The following RFTN2 variants were observed in gnomAD, a reference collection of about 807,000 sequenced individuals.
RFTN2 encodes the protein raftlin family member 2.
Under a neutral mutation model 52.7 loss-of-function variants are expected in RFTN2, and 34 were observed. The ratio of observed to expected loss-of-function variants is 0.64; its 90% CI spans 0.49 to 0.86. The LOEUF is 0.86. Ranked by LOEUF, RFTN2 falls within the 40% of genes least tolerant of loss-of-function variation. The pLI is 0.00. For synonymous variants in RFTN2, 203 were observed against 217.7 expected, an observed-to-expected ratio of 0.93 and a Z score of 0.59; for missense variants, 536 against 600.1, an observed-to-expected ratio of 0.89 and a Z score of 1.12.
chr2:197,649,320 G>C (rs1454192758), intron 1 of RFTN2, among the ~76,000 whole-genome samples: 2 of 152,090 alleles, frequency 1.3e-5, no homozygotes, highest in Admixed American at 1.3e-4. Context: ...CTAGCATAAG[G>C]CTTCACCACA....
rs948995809 is a variant in RFTN2, at chr2:197,571,972, T to C, written c.*36A>G. On this transcript the variant is annotated 3_prime_UTR_variant, in exon 9 of 9. Transcript: ENST00000295049. Reference sequence around the variant, plus strand: ...GGTCAGTTGGCAATGATTTTAACAATTATTTACAGGGCCTTCCTTTGCTTC... The same window carrying C: ...GGTCAGTTGGCAATGATTTTAACAACTATTTACAGGGCCTTCCTTTGCTTC... The C allele has an allele frequency of 6.3e-7, 1 of 1,595,458 alleles. No homozygotes were observed. The highest frequency in any genetic ancestry group is 2.2e-5 in the East Asian group (1 of 44,546).
chr2:197,619,580 C>T (rs1326083502), intron 5 of RFTN2, among the ~76,000 whole-genome samples: 4 of 147,876 alleles, frequency 2.7e-5, no homozygotes, highest in Non-Finnish European at 4.5e-5. Flanking sequence ...TCCCTAATCT[C>T]AAGTACCCAG....
chr2:197,580,466 C>A (rs977488738), intron 8 of RFTN2, among the ~76,000 whole-genome samples: 1 of 152,220 alleles, frequency 6.6e-6, no homozygotes, highest in African/African-American at 2.4e-5. Flanking sequence ...CCCATCTGTG[C>A]AGGACCCCAC....
intron 7 of RFTN2, among the ~76,000 whole-genome samples, chr2:197,614,502 G>A (rs905811814): frequency 1.3e-5 from 2 of 152,194 alleles, no homozygotes; most frequent in African/African-American, 4.8e-5. Context: ...CCTAGGTACT[G>A]AGAGGACACT....
chr2:197,658,297 C>A (rs2088922298), intron 1 of RFTN2, among the ~76,000 whole-genome samples: 1 of 151,764 alleles, frequency 6.6e-6, no homozygotes, highest in South Asian at 2.1e-4. Flanking sequence ...CCTAAGCATG[C>A]ACATAGTCTG....
At chr2:197,636,943 G>T (rs1377026577) in intron 3 of RFTN2, among the ~76,000 whole-genome samples, 1 of 152,140 alleles carries the variant, frequency 6.6e-6, no homozygotes, top group Non-Finnish European at 1.5e-5. Context: ...AGAGTTTTTA[G>T]CATGAAGTGT....
At chr2:197,651,047 T>C (rs897637416) in intron 1 of RFTN2, among the ~76,000 whole-genome samples, 1 of 152,246 alleles carries the variant, frequency 6.6e-6, no homozygotes, top group African/African-American at 2.4e-5. Context: ...ATTGAGAATC[T>C]TTTCACATCT....
At chr2:197,657,206 T>C (rs2106262836) in intron 1 of RFTN2, among the ~76,000 whole-genome samples, 1 of 152,236 alleles carries the variant, frequency 6.6e-6, no homozygotes, top group South Asian at 2.1e-4. Flanking sequence ...ATCCAATTCT[T>C]ATATAATATT....
intron 7 of RFTN2, among the ~76,000 whole-genome samples, chr2:197,608,727 CA>C (rs1278626867): frequency 6.6e-6 from 1 of 150,816 alleles, no homozygotes; most frequent in African/African-American, 2.4e-5. Context: ...TGGTTTGCTG[CA>C]CCCGTCAAAT....
intron 3 of RFTN2, among the ~76,000 whole-genome samples, chr2:197,639,234 C>T (rs1167547453): frequency 8.5e-6 from 1 of 118,246 alleles, no homozygotes; most frequent in Non-Finnish European, 1.7e-5. Flanking sequence ...TTGCTCTTCT[C>T]GAGGAGTATC....
At chr2:197,591,696 C>A (rs2087716774) in intron 8 of RFTN2, among the ~76,000 whole-genome samples, 1 of 152,164 alleles carries the variant, frequency 6.6e-6, no homozygotes, top group Admixed American at 6.5e-5. Flanking sequence ...GTCCTGAGCC[C>A]TGCCCGGCGG....
chr2:197,616,044 A>T (rs2106210556), intron 6 of RFTN2, 65 bp from the exon 7 acceptor site: 1 of 932,370 alleles, frequency 1.1e-6, no homozygotes, highest in East Asian at 2.6e-5. Context: ...CAATTACAAC[A>T]AAGGGTGATG....
At chr2:197,635,193 A>G (rs1232479125) in intron 3 of RFTN2, among the ~76,000 whole-genome samples, 2 of 152,128 alleles carry the variant, frequency 1.3e-5, no homozygotes, top group Admixed American at 6.5e-5. Flanking sequence ...GCCGCAATAA[A>G]CATACTTGTG....
chr2:197,644,238 G>A lies in RFTN2; in HGVS notation c.358C>T (p.Arg120Cys), dbSNP rs147912075. Residue 120 changes from arginine to cysteine, a missense_variant, in exon 3 of 9, where the codon CGC becomes TGC. Arg to Cys is a radical substitution (Grantham distance 180). Transcript: ENST00000295049. ...CATTCCTCAATCACGAGCCTTGGGC[G>A]TCTTTGTCCACTGGGTGCTGCCGAA... Reference protein sequence around the residue: ...KNSAAPSGQRRPRLVIEECPL... With the variant: ...KNSAAPSGQRCPRLVIEECPL... 1.1e-5 allele frequency: 17 copies of A among 1,612,308 alleles called. No homozygotes were observed. The highest frequency in any genetic ancestry group is 1.6e-4 in the Middle Eastern group (1 of 6,076).
At position 197,612,274 on chromosome 2, in the gene RFTN2, AC is replaced by A. The variant is rs981516102; in HGVS notation, c.1154+3601del. Among the ~76,000 whole-genome samples, 8 of 151,746 alleles carry A rather than the reference AC, an allele frequency of 5.3e-5. No individual in the cohort carries two copies. The East Asian group carries it at 1.5e-3, about 29-fold the overall frequency. ...TGTGTTCTAAAGTTCTCTCTCTCTC[AC>A]CCCCTCCCTTACCCTCACTTTCTCT... On this transcript the variant is annotated intron_variant, in intron 7 of 8. Coordinates refer to ENST00000295049, the MANE Select transcript of RFTN2 (RefSeq NM_144629.3).
intron 5 of RFTN2, among the ~76,000 whole-genome samples, chr2:197,621,401 G>GGT (rs2088261637): frequency 8.2e-6 from 1 of 122,592 alleles, no homozygotes; most frequent in Non-Finnish European, 1.6e-5. Context: ...GCAGATACCG[G>GGT]TTTTTTTTTT....
At chr2:197,633,583 A>C in intron 4 of RFTN2, 135 bp downstream of exon 4, 1 of 711,114 alleles carries the variant, frequency 1.4e-6, no homozygotes, top group South Asian at 2.2e-5. Flanking sequence ...TTTAAAAATC[A>C]TGAGGTTTTT....
rs1043053136 is a variant in RFTN2 at position 197,568,812 on chromosome 2, A to G, written c.*3196T>C. On this transcript the variant is annotated 3_prime_UTR_variant, in exon 9 of 9. Coordinates refer to ENST00000295049, the MANE Select transcript of RFTN2 (RefSeq NM_144629.3). ...AATCAATAACAGGCAAGGGCGGGAAAACGGGACAGCTCCTCTGGCACTCCA... is the reference window on the plus strand; with the variant it reads ...AATCAATAACAGGCAAGGGCGGGAAGACGGGACAGCTCCTCTGGCACTCCA... The G allele has an allele frequency of 1.3e-5, 2 of 152,224 alleles. No individual in the cohort carries two copies. The highest frequency in any genetic ancestry group is 4.8e-5 in the African/African-American group (2 of 41,444). The allele number at this position is 152,224 out of a possible 1,614,324, so 9.4% of individuals were successfully genotyped here.
rs534780052 is a variant in RFTN2, at chr2:197,607,030, C to A, written c.1154+8846G>T. On this transcript the variant is annotated intron_variant, in intron 7 of 8. Coordinates refer to ENST00000295049, the MANE Select transcript of RFTN2 (RefSeq NM_144629.3). ...ATGCTGCTATAAAGACACATGCACA[C>A]GTATGTTTATTGTGGGACTATTCAC... Among the ~76,000 whole-genome samples, 248 of 152,252 alleles carry A rather than the reference C, an allele frequency of 1.6e-3. 5 individuals carry two copies. The highest frequency in any genetic ancestry group is 8.3e-3 in the South Asian group (40 of 4,818).
Sources: allele counts gnomAD v4.1 joint callset (sites outside exome capture counted in the v4.1 genomes callset), GRCh38; gene constraint gnomAD v4.1.1; transcripts MANE v1.5; gene names NCBI Gene and HGNC (gene_info 2026-07-23, HGNC 2026-07-21).